SSH2: variants seen among roughly 807,000 people sequenced by gnomAD.
The protein encoded by SSH2 is slingshot protein phosphatase 2, also known as protein phosphatase Slingshot homolog 2.
A neutral mutation model predicts 135.2 loss-of-function variants in SSH2; 37 were observed. That is an observed-to-expected ratio of 0.27 (90% CI 0.21 to 0.36). The LOEUF is 0.36. SSH2 is among the 10% of genes least tolerant of loss of function. The probability of loss-of-function intolerance (pLI) is 1.00; values close to 1 mark genes in which losing one functional copy is unlikely to be tolerated. For missense variants in SSH2, 1,408 were observed against 1,765.3 expected (o/e 0.80, Z 3.63); for synonymous variants, 628 against 646.2 (o/e 0.97, Z 0.43).
At chr17:29,711,580 T>C (rs2151147234) in intron 3 of SSH2, among the ~76,000 whole-genome samples, 1 of 152,372 alleles carries the variant, frequency 6.6e-6, no homozygotes, top group Admixed American at 6.5e-5. Flanking sequence ...TTGTTGGTTT[T>C]GGCTGTTCAG....
chr17:29,725,971 A>G (rs2039991314), intron 3 of SSH2, among the ~76,000 whole-genome samples: 1 of 152,236 alleles, frequency 6.6e-6, no homozygotes, highest in Non-Finnish European at 1.5e-5. Context: ...AGAGAGACAA[A>G]TAAGTAAAAT....
intron 3 of SSH2, among the ~76,000 whole-genome samples, chr17:29,731,897 T>C (rs2073189484): frequency 6.6e-6 from 1 of 152,188 alleles, no homozygotes; most frequent in African/African-American, 2.4e-5. Flanking sequence ...AAATTTTTTC[T>C]GCAGATAGAA....
At chr17:29,816,797 A>G (rs2042567523) in intron 2 of SSH2, among the ~76,000 whole-genome samples, 1 of 152,162 alleles carries the variant, frequency 6.6e-6, no homozygotes. Flanking sequence ...CCTAATATAA[A>G]TTAGGCCTAG....
intron 3 of SSH2, among the ~76,000 whole-genome samples, chr17:29,756,668 T>G (rs924898085): frequency 7.9e-5 from 12 of 151,898 alleles, no homozygotes; most frequent in South Asian, 2.1e-4. Context: ...GTTTTGTTTT[T>G]TTTTGAGATA....
intron 2 of SSH2, among the ~76,000 whole-genome samples, chr17:29,839,861 A>T (rs1395734705): frequency 6.6e-6 from 1 of 152,188 alleles, no homozygotes; most frequent in Non-Finnish European, 1.5e-5. Context: ...TGTCAGGCAG[A>T]CTTAGCTGTC....
chr17:29,763,715 A>G (rs1169637069), intron 3 of SSH2, among the ~76,000 whole-genome samples: 2 of 152,222 alleles, frequency 1.3e-5, no homozygotes, highest in East Asian at 1.9e-4. Context: ...AATGCCAGAG[A>G]TAAAGATTTC....
chr17:29,772,109 T>G (rs201122838), intron 3 of SSH2, among the ~76,000 whole-genome samples: 1 of 25,438 alleles, frequency 3.9e-5, no homozygotes, highest in South Asian at 7.2e-4. Flanking sequence ...AAAGATGTGG[T>G]TTTTTTTTTT....
chr17:29,632,293 A>G lies in SSH2; in HGVS notation c.2901T>C (p.Ser967=). The G allele has an allele frequency of 1.2e-6, 2 of 1,614,178 alleles. No homozygotes were observed. The highest frequency in any genetic ancestry group is 1.7e-6 in the Non-Finnish European group (2 of 1,180,014). The change falls in exon 16 of 16, where the codon TCT becomes TCC. Residue 967 remains serine (S), a synonymous_variant. Transcript: ENST00000540801. ...CAGAATGGGACAGTGAGCCAGCCTC[A>G]GACCCACTGTATTTCCCTTTGCCTT... is the stretch of plus-strand genomic sequence containing the variant. ...MSKGKGKYSG[S]EAGSLSHSEQ...
intron 3 of SSH2, among the ~76,000 whole-genome samples, chr17:29,744,136 G>T (rs1013299225): frequency 7.2e-5 from 11 of 152,108 alleles, no homozygotes; most frequent in Non-Finnish European, 1.5e-4. Context: ...AGGTGAAAAG[G>T]CCCCAGAAGC....
chr17:29,649,606 G>C (rs2150998729), intron 13 of SSH2, among the ~76,000 whole-genome samples: 1 of 152,004 alleles, frequency 6.6e-6, no homozygotes, highest in South Asian at 2.1e-4. Flanking sequence ...GGCTAATCTT[G>C]AACTCCTGGG....
At chr17:29,879,289 G>A (rs144061633) in intron 1 of SSH2, among the ~76,000 whole-genome samples, 1 of 151,920 alleles carries the variant, frequency 6.6e-6, no homozygotes, top group Non-Finnish European at 1.5e-5. Context: ...TGATAATTGT[G>A]AGAGGTAGAA....
chr17:29,821,913 G>A (rs558662844), intron 2 of SSH2, among the ~76,000 whole-genome samples: 2 of 152,248 alleles, frequency 1.3e-5, no homozygotes, highest in East Asian at 3.9e-4. Context: ...CAAGGTGCTG[G>A]GATTACAGGC....
At chr17:29,853,516 G>T (rs1005734965) in intron 1 of SSH2, among the ~76,000 whole-genome samples, 1 of 151,814 alleles carries the variant, frequency 6.6e-6, no homozygotes, top group African/African-American at 2.4e-5. Flanking sequence ...CCAGTTTGTA[G>T]TGCAGATACC....
At chr17:29,677,893 A>G (rs954935473) in intron 6 of SSH2, 152 bp from the exon 7 acceptor site, 10 of 608,600 alleles carry the variant, frequency 1.6e-5, no homozygotes, top group Non-Finnish European at 2.6e-5. Context: ...TATTATTATT[A>G]ATCTTATGTA....
intron 1 of SSH2, among the ~76,000 whole-genome samples, chr17:29,911,311 T>C (rs1180219739): frequency 2.6e-5 from 4 of 152,028 alleles, no homozygotes; most frequent in Non-Finnish European, 5.9e-5. Context: ...AGTTACAGAG[T>C]TGTATGCCCA....
chr17:29,730,431 A>C (rs2040140729), intron 3 of SSH2, among the ~76,000 whole-genome samples: 1 of 147,836 alleles, frequency 6.8e-6, no homozygotes, highest in South Asian at 2.1e-4. Context: ...ATGTGATTTG[A>C]CTTTTTCTTT....
chr17:29,783,617 A>G (rs2041891397), intron 3 of SSH2, among the ~76,000 whole-genome samples: 1 of 152,044 alleles, frequency 6.6e-6, no homozygotes, highest in Admixed American at 6.6e-5. Context: ...TGCCTTCCCC[A>G]GGTAATCTCT....
chr17:29,733,660 T>C (rs2040272954), intron 3 of SSH2, among the ~76,000 whole-genome samples: 1 of 152,224 alleles, frequency 6.6e-6, no homozygotes, highest in South Asian at 2.1e-4. Flanking sequence ...ATAGTTCATA[T>C]GCATTTATGT....
chr17:29,904,931 C>T (rs1170532186), intron 1 of SSH2, among the ~76,000 whole-genome samples: 1 of 152,106 alleles, frequency 6.6e-6, no homozygotes, highest in Non-Finnish European at 1.5e-5. Flanking sequence ...CCTAGAAATA[C>T]AGCTAACAAG....
Sources: allele counts gnomAD v4.1 joint callset (sites outside exome capture counted in the v4.1 genomes callset), GRCh38; gene constraint gnomAD v4.1.1; transcripts MANE v1.5; gene names NCBI Gene and HGNC (gene_info 2026-07-23, HGNC 2026-07-21).